The following CASK variants were observed in gnomAD, a reference collection of about 807,000 sequenced individuals.
The protein encoded by CASK is peripheral plasma membrane protein CASK.
CASK carries 4 observed loss-of-function variants against 82.9 expected under a neutral mutation model. The ratio of observed to expected loss-of-function variants is 0.05; its 90% CI spans 0.02 to 0.11. CASK has a LOEUF of 0.11. Among genes scored for constraint, CASK ranks in the 10% least tolerant of loss-of-function variants. The pLI, the probability that CASK is intolerant of heterozygous loss-of-function variation, is 1.00. For missense variants in CASK, 358 were observed against 720.9 expected, an observed-to-expected ratio of 0.50 and a Z score of 5.76; for synonymous variants, 259 against 253.5, an observed-to-expected ratio of 1.02 and a Z score of -0.20.
chrX:41,665,931 G>T (rs2067110331), intron 6 of CASK: 1 of 112,985 alleles, frequency 8.9e-6, no homozygotes, highest in Admixed American at 9.4e-5. Flanking sequence ...AAAATCGGTG[G>T]AAAAAAGATG....
chrX:41,893,217 T>A (rs1601948021), intron 1 of CASK, among the ~76,000 whole-genome samples: 1 of 111,768 alleles, frequency 8.9e-6, no homozygotes, highest in South Asian at 3.8e-4. Flanking sequence ...ACATTTTAAT[T>A]TGGGTCCGCT....
At chrX:41,817,958 A>G (rs2070446148) in intron 2 of CASK, among the ~76,000 whole-genome samples, 1 of 111,057 alleles carries the variant, frequency 9.0e-6, no homozygotes, top group African/African-American at 3.3e-5. Context: ...TTCTCCCCCA[A>G]ATTATTCTAC....
chrX:41,685,588 C>T (rs959647619), intron 5 of CASK, among the ~76,000 whole-genome samples: 1 of 111,389 alleles, frequency 9.0e-6, no homozygotes, highest in Non-Finnish European at 1.9e-5. Context: ...CTTAAGCCAC[C>T]CTCTTGCCTC....
chrX:41,897,466 G>A (rs1259591393), intron 1 of CASK, among the ~76,000 whole-genome samples: 1 of 111,427 alleles, frequency 9.0e-6, no homozygotes, highest in East Asian at 2.8e-4. Context: ...ATGCTGTATA[G>A]TCCCTTTTTT....
intron 5 of CASK, among the ~76,000 whole-genome samples, chrX:41,683,663 G>A (rs1476311575): frequency 1.8e-5 from 2 of 111,433 alleles, no homozygotes; most frequent in Non-Finnish European, 3.8e-5. Context: ...TCCAGGAGTA[G>A]TTAAGTTTTG....
intron 1 of CASK, among the ~76,000 whole-genome samples, chrX:41,885,379 A>C (rs1029391554): frequency 6.4e-5 from 7 of 109,693 alleles, no homozygotes; most frequent in African/African-American, 2.0e-4. Flanking sequence ...TGTCAAGTAA[A>C]GATTTCTACA....
At chrX:41,624,070 G>T (rs949925834) in intron 10 of CASK, among the ~76,000 whole-genome samples, 5 of 112,152 alleles carry the variant, frequency 4.5e-5, no homozygotes, top group African/African-American at 1.6e-4. Context: ...ATCTCAAAGA[G>T]ATTTATCCTA....
intron 8 of CASK, among the ~76,000 whole-genome samples, chrX:41,641,283 C>T (rs2066648489): frequency 9.0e-6 from 1 of 111,576 alleles, no homozygotes; most frequent in Non-Finnish European, 1.9e-5. Context: ...AGTAATGTGC[C>T]TTGCACTTTA....
At chrX:41,741,654 G>A (rs1569427924) in intron 4 of CASK, among the ~76,000 whole-genome samples, 1 of 111,926 alleles carries the variant, frequency 8.9e-6, no homozygotes, top group Non-Finnish European at 1.9e-5. Flanking sequence ...TCTTTGCGGC[G>A]TGTGTGGAGA....
rs906578082 is a variant in CASK at position 41,717,261 on chromosome X, C to T, written c.429+22123G>A. On this transcript the variant is annotated intron_variant, in intron 5 of 26. Coordinates refer to ENST00000378163, the MANE Select transcript of CASK (RefSeq NM_001367721.1). ...GCCATTGCTCCACCCGCGAGACGCA[C>T]GCTTCTATGGAAGTTAATTTGCCTT... is the stretch of plus-strand genomic sequence containing the variant. Among the ~76,000 whole-genome samples, 54 of 112,341 alleles carry T rather than the reference C, an allele frequency of 4.8e-4. No homozygotes were observed. In the Middle Eastern group the frequency reaches 0.014, roughly 28 times the overall value.
At chrX:41,637,654 T>C (rs976771461) in intron 8 of CASK, among the ~76,000 whole-genome samples, 1 of 108,177 alleles carries the variant, frequency 9.2e-6, no homozygotes, top group Non-Finnish European at 1.9e-5. Flanking sequence ...TTTATTTATA[T>C]ATTTTTAGAG....
intron 2 of CASK, among the ~76,000 whole-genome samples, chrX:41,846,438 G>T (rs955675290): frequency 9.2e-6 from 1 of 108,615 alleles, no homozygotes; most frequent in African/African-American, 3.4e-5. Context: ...AGGGTAGTTG[G>T]GGGGGCGGGG....
chrX:41,702,560 C>T (rs1168861216), intron 5 of CASK, among the ~76,000 whole-genome samples: 4 of 111,232 alleles, frequency 3.6e-5, no homozygotes, highest in Non-Finnish European at 5.7e-5. Context: ...CTTTGGGAGG[C>T]CAAGGCGGGC....
chrX:41,615,736 G>A (rs1451799298), intron 11 of CASK, among the ~76,000 whole-genome samples: 4 of 109,237 alleles, frequency 3.7e-5, no homozygotes, highest in African/African-American at 6.7e-5. Flanking sequence ...GGGTTCAAGC[G>A]ATTCTCGTGC....
At chrX:41,752,447 G>A (rs1440511019) in intron 3 of CASK, among the ~76,000 whole-genome samples, 9 of 110,023 alleles carry the variant, frequency 8.2e-5, no homozygotes, top group Non-Finnish European at 1.1e-4. Flanking sequence ...CACACCTCAC[G>A]TCCAGCTAAT....
At chrX:41,712,381 T>C (rs185352738) in intron 5 of CASK, among the ~76,000 whole-genome samples, 2 of 112,728 alleles carry the variant, frequency 1.8e-5, no homozygotes, top group South Asian at 3.6e-4. Flanking sequence ...TAGGTTAGAC[T>C]TTGTCTGTCT....
intron 1 of CASK, among the ~76,000 whole-genome samples, chrX:41,878,060 G>A (rs931733536): frequency 1.8e-5 from 2 of 110,538 alleles, no homozygotes; most frequent in Admixed American, 1.9e-4. Flanking sequence ...AAATTAGCAC[G>A]TGTTTTAAGC....
chrX:41,918,865 T>TA (rs930175229), intron 1 of CASK, among the ~76,000 whole-genome samples: 4 of 112,060 alleles, frequency 3.6e-5, no homozygotes, highest in African/African-American at 6.5e-5. Flanking sequence ...CAGAGAGCTT[T>TA]AAAAAAATGT....
rs746527279 is a variant in CASK, at chrX:41,562,736, G to C, written c.1583-1092C>G. Reference sequence around the variant, plus strand: ...GGGATACATTAAGACAGTACTTAGAGGGAGAGTTTAGTCTTAAAGGCACAT... The same window carrying C: ...GGGATACATTAAGACAGTACTTAGACGGAGAGTTTAGTCTTAAAGGCACAT... On this transcript the variant is annotated intron_variant, in intron 16 of 26. Coordinates refer to ENST00000378163, the MANE Select transcript of CASK (RefSeq NM_001367721.1). The C allele has an allele frequency of 4.5e-5, 5 of 111,048 alleles. No homozygotes were observed. In the East Asian group the frequency reaches 1.4e-3, roughly 31 times the overall value. 9.2% of individuals were successfully genotyped at this position (111,048 alleles called of 1,213,427 possible). A position where few individuals can be genotyped will look rare whatever the true frequency, so the allele number is the denominator to read the frequency against.
Sources: allele counts gnomAD v4.1 joint callset (sites outside exome capture counted in the v4.1 genomes callset), GRCh38; gene constraint gnomAD v4.1.1; transcripts MANE v1.5; gene names NCBI Gene and HGNC (gene_info 2026-07-23, HGNC 2026-07-21).